NBAS: variants seen among roughly 807,000 people sequenced by gnomAD.
The protein encoded by NBAS is NBAS subunit of NRZ tethering complex, also known as NAG/BC035112 fusion.
Under a neutral mutation model 302.5 loss-of-function variants are expected in NBAS, and 219 were observed. The observed-to-expected ratio is 0.72, with a 90% CI of 0.65 to 0.81. The LOEUF (loss-of-function observed/expected upper bound fraction) is 0.81, where lower values mean the gene tolerates loss of function less well. Among genes scored for constraint, NBAS ranks in the 30% least tolerant of loss-of-function variants. The probability of loss-of-function intolerance (pLI) is 0.00; values close to 1 mark genes in which losing one functional copy is unlikely to be tolerated. For missense variants in NBAS, 2,932 were observed against 2,841.6 expected, an observed-to-expected ratio of 1.03 and a Z score of -0.72; for synonymous variants, 1,118 against 1,021.6, an observed-to-expected ratio of 1.09 and a Z score of -1.80.
the NBAS span, among the ~76,000 whole-genome samples, chr2:15,124,691 C>T: frequency 6.6e-6 from 1 of 152,248 alleles, no homozygotes; most frequent in Non-Finnish European, 1.5e-5. Flanking sequence ...ACTCCAGCTC[C>T]AGCTGCAGCT....
intron 9 of NBAS, among the ~76,000 whole-genome samples, chr2:15,525,775 C>T (rs1662887630): frequency 6.6e-6 from 1 of 152,060 alleles, no homozygotes; most frequent in African/African-American, 2.4e-5. Context: ...ACAACAAAAT[C>T]AGATGTTGCT....
intron 35 of NBAS, among the ~76,000 whole-genome samples, chr2:15,351,578 T>C (rs1673357757): frequency 6.6e-6 from 1 of 152,026 alleles, no homozygotes; most frequent in African/African-American, 2.4e-5. Context: ...CTTGGGAAGC[T>C]GAGGCAGGGG....
chr2:14,919,582 A>C, the NBAS span, among the ~76,000 whole-genome samples: 54 of 152,322 alleles, frequency 3.5e-4, no homozygotes, highest in Non-Finnish European at 6.3e-4. Flanking sequence ...CCACAGTAGA[A>C]TTTCTTTCAA....
chr2:15,433,958 A>G (rs1677885659), intron 21 of NBAS, among the ~76,000 whole-genome samples: 1 of 151,786 alleles, frequency 6.6e-6, no homozygotes, highest in Non-Finnish European at 1.5e-5. Context: ...AAGGAAAAAA[A>G]AAAAGAAAAG....
chr2:15,071,110 C>T, the NBAS span, among the ~76,000 whole-genome samples: 1 of 152,190 alleles, frequency 6.6e-6, no homozygotes, highest in Non-Finnish European at 1.5e-5. Context: ...GTGACATCAA[C>T]ACTCCTCCTC....
At position 15,387,637 on chromosome 2, in the gene NBAS, TA is replaced by T. The variant is rs66497379; in HGVS notation, c.3258-4321del. Among the ~76,000 whole-genome samples the T allele has an allele frequency of 6.7e-3, 1,017 of 150,774 alleles. 17 individuals are homozygous for T. Among genetic ancestry groups the T allele is most frequent in the African/African-American group, 0.024 (965 of 40,812 alleles). On this transcript the variant is annotated intron_variant, in intron 28 of 51. Transcript: ENST00000281513. ...ATGAATAAGTCATTCATCTGGAAAT[TA>T]TTTTTTTTTTTAAGACAGTGTCTTA...
the NBAS span, among the ~76,000 whole-genome samples, chr2:14,976,858 G>A: frequency 6.6e-6 from 1 of 152,180 alleles, no homozygotes; most frequent in Non-Finnish European, 1.5e-5. Context: ...ACTGGAAGAG[G>A]CAAGGAAGGA....
chr2:15,087,031 G>A, the NBAS span, among the ~76,000 whole-genome samples: 1 of 151,152 alleles, frequency 6.6e-6, no homozygotes, highest in Non-Finnish European at 1.5e-5. Flanking sequence ...CTGCCTGACA[G>A]CCTTCAAACT....
At chr2:15,186,160 CTGTG>C (rs545281756) in intron 50 of NBAS, among the ~76,000 whole-genome samples, 26 of 148,222 alleles carry the variant, frequency 1.8e-4, no homozygotes, top group African/African-American at 5.7e-4. Context: ...GTATGTGTGT[CTGTG>C]TGTGTGTATA....
chr2:15,120,899 G>A, the NBAS span, among the ~76,000 whole-genome samples: 46 of 152,188 alleles, frequency 3.0e-4, no homozygotes, highest in Non-Finnish European at 6.3e-4. Context: ...TCTCTGGGAC[G>A]GCAGGGGTTT....
At chr2:15,316,779 T>TCC (rs1671534836) in intron 38 of NBAS, among the ~76,000 whole-genome samples, 1 of 152,174 alleles carries the variant, frequency 6.6e-6, no homozygotes, top group Admixed American at 6.5e-5. Flanking sequence ...CTCTACAGAC[T>TCC]CCACATCCGT....
intron 49 of NBAS, among the ~76,000 whole-genome samples, chr2:15,189,553 G>A (rs1665246148): frequency 7.3e-6 from 1 of 136,902 alleles, no homozygotes; most frequent in South Asian, 2.7e-4. Flanking sequence ...AGAAGCCACA[G>A]CTCATGAGAC....
chr2:15,497,427 A>C (rs1269961053), intron 11 of NBAS, among the ~76,000 whole-genome samples: 4 of 152,198 alleles, frequency 2.6e-5, no homozygotes, highest in Admixed American at 6.5e-5. Flanking sequence ...TACTGGTAGC[A>C]AAGGTGTTAG....
chr2:15,007,088 G>A, the NBAS span, among the ~76,000 whole-genome samples: 4 of 152,186 alleles, frequency 2.6e-5, no homozygotes, highest in Non-Finnish European at 5.9e-5. Context: ...GCCAAGCAAG[G>A]ACACAGGACC....
chr2:15,429,669 A>C (rs1397121020), intron 21 of NBAS, among the ~76,000 whole-genome samples: 1 of 152,186 alleles, frequency 6.6e-6, no homozygotes, highest in Non-Finnish European at 1.5e-5. Flanking sequence ...TCTAGATTAC[A>C]AAATAAGAAG....
chr2:15,347,661 T>C (rs1673158242), intron 35 of NBAS, among the ~76,000 whole-genome samples: 1 of 152,198 alleles, frequency 6.6e-6, no homozygotes, highest in South Asian at 2.1e-4. Context: ...CATTTCTAAC[T>C]CTAATTAGAT....
At chr2:15,382,180 T>C (rs922893628) in intron 29 of NBAS, among the ~76,000 whole-genome samples, 4 of 152,196 alleles carry the variant, frequency 2.6e-5, no homozygotes, top group Admixed American at 1.3e-4. Context: ...ACTGATACTC[T>C]GCCTCTGACT....
chr2:14,798,682 C>A, the NBAS span, among the ~76,000 whole-genome samples: 1 of 151,954 alleles, frequency 6.6e-6, no homozygotes, highest in African/African-American at 2.4e-5. Flanking sequence ...TGCTACATTA[C>A]CCTAGTAAAT....
chr2:14,998,512 AAAGAG>A, the NBAS span, among the ~76,000 whole-genome samples: 46 of 152,290 alleles, frequency 3.0e-4, 1 homozygote, highest in Middle Eastern at 6.8e-3. Flanking sequence ...GAAGCCCAGA[AAAGAG>A]AAGAGACAAA....
Sources: gnomAD v4.1 joint callset for allele counts (sites outside exome capture counted in the v4.1 genomes callset) on GRCh38, gnomAD v4.1.1 for gene constraint, MANE v1.5 for transcripts, NCBI Gene and HGNC (gene_info 2026-07-23, HGNC 2026-07-21) for gene names.